TRPM3: variants seen among roughly 807,000 people sequenced by gnomAD.
TRPM3 encodes the protein long transient receptor potential channel 3.
In TRPM3, 77 loss-of-function variants were observed where a neutral mutation model predicts 181.2. The observed-to-expected ratio is 0.42, with a 90% CI of 0.35 to 0.51. The LOEUF (loss-of-function observed/expected upper bound fraction) is 0.51. Among genes scored for constraint, TRPM3 ranks in the 20% least tolerant of loss-of-function variants. The pLI is 0.01. For missense variants in TRPM3, 1,759 were observed against 2,196.7 expected (o/e 0.80, Z 3.98); for synonymous variants, 745 against 796.4 (o/e 0.94, Z 1.09).
intron 1 of TRPM3, among the ~76,000 whole-genome samples, chr9:71,168,410 C>T (rs922483282): frequency 3.3e-5 from 5 of 151,424 alleles, no homozygotes; most frequent in African/African-American, 4.8e-5. Context: ...AAGTACTGAA[C>T]GGAGATTTAG....
intron 8 of TRPM3, chr9:70,760,703 C>T (rs1342461015): frequency 6.7e-6 from 1 of 149,486 alleles, no homozygotes; most frequent in Non-Finnish European, 1.5e-5. Context: ...CTATCTCTCT[C>T]AGCAGTTGGG....
rs533778889 is a variant in TRPM3 at position 70,536,305 on chromosome 9, C to T, written c.4808G>A (p.Ser1603Asn). 2.5e-6 allele frequency: 4 copies of T among 1,614,200 alleles called. No homozygotes were observed. The African/African-American group carries it at 4.0e-5, about 16-fold the overall frequency. ...CCHPEREAEL[S>N]HPSSDSEENE... The stretch of plus-strand genomic sequence containing the variant: ...CTCCTCACTGTCAGAGCTGGGGTGA[C>T]TCAGTTCTGCTTCTCGCTCTGGATG... The change falls in exon 26 of 26, where the codon AGT (serine) becomes AAT (asparagine). Residue 1603 changes from serine to asparagine, a missense_variant. By Grantham distance (46) the Ser-to-Asn change is conservative. Coordinates refer to ENST00000677713, the MANE Select transcript of TRPM3 (RefSeq NM_001366145.2).
chr9:70,852,361 C>A (rs538192409), intron 3 of TRPM3, among the ~76,000 whole-genome samples: 1 of 152,002 alleles, frequency 6.6e-6, no homozygotes, highest in Non-Finnish European at 1.5e-5. Flanking sequence ...GTTCACTATG[C>A]TAGTATGGGA....
chr9:71,172,004 TC>T (rs1325817904), intron 1 of TRPM3, among the ~76,000 whole-genome samples: 1 of 152,116 alleles, frequency 6.6e-6, no homozygotes, highest in African/African-American at 2.4e-5. Flanking sequence ...GCTGAAGTCA[TC>T]CTCCTGCCTC....
intron 1 of TRPM3, among the ~76,000 whole-genome samples, chr9:70,916,708 C>T (rs2096598547): frequency 6.6e-6 from 1 of 152,086 alleles, no homozygotes; most frequent in South Asian, 2.1e-4. Flanking sequence ...AGTGCTTAGA[C>T]TTTCTAAAGA....
chr9:71,341,131 T>A (rs1742400599), intron 1 of TRPM3, among the ~76,000 whole-genome samples: 1 of 152,048 alleles, frequency 6.6e-6, no homozygotes, highest in Admixed American at 6.6e-5. Flanking sequence ...ATAAAAAAAA[T>A]TTCAATTGAT....
At chr9:71,412,894 T>C (rs1021342513) in intron 1 of TRPM3, among the ~76,000 whole-genome samples, 10 of 152,198 alleles carry the variant, frequency 6.6e-5, no homozygotes, top group Non-Finnish European at 1.3e-4. Flanking sequence ...GTGGCACATA[T>C]ACACCATGGA....
chr9:70,591,943 A>G (rs972637836), intron 21 of TRPM3, among the ~76,000 whole-genome samples: 4 of 152,118 alleles, frequency 2.6e-5, no homozygotes, highest in Non-Finnish European at 5.9e-5. Context: ...TCAGACCTGT[A>G]CCTGCTGTAG....
chr9:70,534,418 A>G lies in TRPM3; in HGVS notation c.*1535T>C, dbSNP rs1450065796. ...ACTCTTTCAATGGAACTTCTTGTAT[A>G]TTAAAAAAAATCTTGATTATACTTC... is the stretch of plus-strand genomic sequence containing the variant. On this transcript the variant is annotated 3_prime_UTR_variant, in exon 26 of 26. Coordinates refer to ENST00000677713, the MANE Select transcript of TRPM3 (RefSeq NM_001366145.2). 1 of 152,222 alleles carries G rather than the reference A, an allele frequency of 6.6e-6. No homozygotes were observed. The highest frequency in any genetic ancestry group is 1.5e-5 in the Non-Finnish European group (1 of 68,034). 9.4% of individuals were successfully genotyped at this position (152,222 alleles called of 1,614,324 possible).
chr9:70,794,610 T>C (rs2086528255), intron 6 of TRPM3, among the ~76,000 whole-genome samples: 1 of 152,236 alleles, frequency 6.6e-6, no homozygotes. Flanking sequence ...TGTTTGCATC[T>C]GGGCAGAATC....
rs754137175 is a variant in TRPM3 at position 70,598,408 on chromosome 9, A to G, written c.3048+11T>C. 4.3e-6 allele frequency: 7 copies of G among 1,611,000 alleles called. No individual in the cohort carries two copies. The South Asian group carries it at 4.4e-5, about 10-fold the overall frequency. ...AAAACTTATAACATGGAATCAGAAG[A>G]CCCTGCTTACCATTTTTCCAATCAT... On this transcript the variant is annotated intron_variant, in intron 21 of 25. Coordinates refer to ENST00000677713, the MANE Select transcript of TRPM3 (RefSeq NM_001366145.2).
intron 11 of TRPM3, 163 bp downstream of exon 11, chr9:70,638,897 G>A (rs951270430): frequency 1.3e-6 from 1 of 781,586 alleles, no homozygotes; most frequent in Non-Finnish European, 2.0e-6. Flanking sequence ...GAATCTTGGT[G>A]ACTTGGTGTT....
At chr9:70,540,700 C>T (rs2043096303) in intron 25 of TRPM3, among the ~76,000 whole-genome samples, 2 of 152,220 alleles carry the variant, frequency 1.3e-5, no homozygotes, top group Admixed American at 1.3e-4. Context: ...GGAGATCCTG[C>T]CTCCTGTTAT....
chr9:70,776,365 G>C, intron 7 of TRPM3: 1 of 672,844 alleles, frequency 1.5e-6, no homozygotes, highest in South Asian at 1.7e-5. Context: ...CTGGCCCCTG[G>C]AACCCTGCCT....
At chr9:70,882,686 G>C (rs7021289) in intron 1 of TRPM3, among the ~76,000 whole-genome samples, 98,955 of 151,960 alleles carry the variant, frequency 0.65, 33,490 homozygotes, top group Non-Finnish European at 0.73. Flanking sequence ...TTATCATCCT[G>C]TTCTCAAGTT....
At chr9:70,628,117 T>G (rs2064998287) in intron 12 of TRPM3, among the ~76,000 whole-genome samples, 1 of 152,176 alleles carries the variant, frequency 6.6e-6, no homozygotes. Flanking sequence ...AAGGCCACAG[T>G]TTCTGTATCC....
rs7019964 is a variant in TRPM3, at chr9:70,782,210, C to T, written c.1148+1895G>A. ...GAGAACCTTGGTTAATTTTTTTTTTCTTTTTTTTTTTTAAGACAGAGTTTC... is the reference window on the plus strand; with the variant it reads ...GAGAACCTTGGTTAATTTTTTTTTTTTTTTTTTTTTTTAAGACAGAGTTTC... On this transcript the variant is annotated intron_variant, in intron 7 of 25. Transcript: ENST00000677713. Among the ~76,000 whole-genome samples, 107 of 138,860 alleles carry T rather than the reference C, an allele frequency of 7.7e-4. No individual in the cohort carries two copies. In the East Asian group the frequency reaches 0.013, roughly 16 times the overall value. The allele number at this position is 138,860 out of a possible 152,430, so 91.1% of individuals were successfully genotyped here.
chr9:71,048,095 A>T (rs2133106728), intron 1 of TRPM3, among the ~76,000 whole-genome samples: 1 of 152,362 alleles, frequency 6.6e-6, no homozygotes, highest in South Asian at 2.1e-4. Flanking sequence ...AAAAGTTATC[A>T]CAGTTTTTGC....
chr9:71,440,566 C>G (rs2094122679), intron 1 of TRPM3, among the ~76,000 whole-genome samples: 1 of 152,222 alleles, frequency 6.6e-6, no homozygotes, highest in Non-Finnish European at 1.5e-5. Context: ...CACCACCACA[C>G]TTAAAGAGGC....
Sources: gnomAD v4.1 joint callset for allele counts (sites outside exome capture counted in the v4.1 genomes callset) on GRCh38, gnomAD v4.1.1 for gene constraint, MANE v1.5 for transcripts, NCBI Gene and HGNC (gene_info 2026-07-23, HGNC 2026-07-21) for gene names.